TNPO1: variants seen among roughly 807,000 people sequenced by gnomAD.
TNPO1 encodes transportin-1.
TNPO1 carries 8 observed loss-of-function variants against 119.5 expected under a neutral mutation model. The ratio of observed to expected loss-of-function variants is 0.07; its 90% CI spans 0.04 to 0.12. The LOEUF is 0.12. TNPO1 is among the 10% of genes least tolerant of loss of function. The pLI, the probability that TNPO1 is intolerant of heterozygous loss-of-function variation, is 1.00. For missense variants in TNPO1, 576 were observed against 1,089.8 expected, an observed-to-expected ratio of 0.53 and a Z score of 6.64; for synonymous variants, 362 against 363.0, an observed-to-expected ratio of 1.00 and a Z score of 0.03.
chr5:72,892,378 G>A (rs143190426), intron 15 of TNPO1, among the ~76,000 whole-genome samples: 2 of 151,876 alleles, frequency 1.3e-5, no homozygotes, highest in Non-Finnish European at 2.9e-5. Context: ...TAGTTGAATT[G>A]ACATTGATAG....
At chr5:72,857,483 G>A (rs1746094684) in intron 4 of TNPO1, among the ~76,000 whole-genome samples, 1 of 152,158 alleles carries the variant, frequency 6.6e-6, no homozygotes, top group Non-Finnish European at 1.5e-5. Context: ...TGTGGTTTGA[G>A]AAAAAGAACT....
rs71614493 is a variant in TNPO1, at chr5:72,862,992, T to TTGTGTGTGTGTG, written c.462+1101_462+1112dup. On this transcript the variant is annotated intron_variant, in intron 5 of 24. Coordinates refer to ENST00000337273, the MANE Select transcript of TNPO1 (RefSeq NM_002270.4). ...TACATTAACTCTGACCTGTGGGTTT[T>TTGTGTGTGTGTG]TGTGTGTGTGTGTGTGTGTGTGTGT... 8.2e-3 allele frequency among the ~76,000 whole-genome samples: 1,187 copies of TTGTGTGTGTGTG among 144,842 alleles called. 13 individuals carry two copies. Among genetic ancestry groups the TTGTGTGTGTGTG allele is most frequent in the African/African-American group, 0.025 (963 of 39,092 alleles).
At chr5:72,817,881 G>A (rs928478935) in intron 1 of TNPO1, among the ~76,000 whole-genome samples, 2 of 152,212 alleles carry the variant, frequency 1.3e-5, no homozygotes, top group African/African-American at 4.8e-5. Flanking sequence ...GAGTGGTGAA[G>A]AAGCTATGTT....
chr5:72,825,443 TTTGGGAGGCTGAGGTGGGC>T (rs1326333430), intron 1 of TNPO1, among the ~76,000 whole-genome samples: 2 of 152,226 alleles, frequency 1.3e-5, no homozygotes, highest in South Asian at 2.1e-4. Flanking sequence ...ATCCCAGCAC[TTTGGGAGGCTGAGGTGGGC>T]GGATCATGAG....
intron 1 of TNPO1, among the ~76,000 whole-genome samples, chr5:72,847,914 C>G (rs1452429842): frequency 6.6e-6 from 1 of 152,220 alleles, no homozygotes; most frequent in Non-Finnish European, 1.5e-5. Flanking sequence ...CGTTAATTCA[C>G]CATGTGTATG....
intron 1 of TNPO1, among the ~76,000 whole-genome samples, chr5:72,842,594 C>T (rs1162519210): frequency 6.6e-6 from 1 of 152,162 alleles, no homozygotes; most frequent in Non-Finnish European, 1.5e-5. Flanking sequence ...AACAGGACTG[C>T]CCTTCCCCTA....
chr5:72,891,021 C>A (rs1323525196), intron 14 of TNPO1, among the ~76,000 whole-genome samples: 1 of 152,112 alleles, frequency 6.6e-6, no homozygotes, highest in African/African-American at 2.4e-5. Context: ...TCCTGGCCAA[C>A]TTTTTGTAGA....
At chr5:72,860,981 C>T (rs919103112) in intron 4 of TNPO1, among the ~76,000 whole-genome samples, 9 of 151,180 alleles carry the variant, frequency 6.0e-5, no homozygotes, top group Middle Eastern at 3.4e-3. Flanking sequence ...GGCGTGATCT[C>T]GGCTCACTGC....
chr5:72,880,573 G>A (rs996215187), intron 9 of TNPO1, among the ~76,000 whole-genome samples: 1 of 152,092 alleles, frequency 6.6e-6, no homozygotes, highest in African/African-American at 2.4e-5. Flanking sequence ...CCAGCACTTT[G>A]GGAGTCCAAG....
intron 9 of TNPO1, among the ~76,000 whole-genome samples, chr5:72,880,350 C>T (rs1167910564): frequency 6.6e-5 from 10 of 152,048 alleles, no homozygotes; most frequent in Non-Finnish European, 1.0e-4. Context: ...TGATTTCTCT[C>T]GTTTTTACAA....
chr5:72,893,244 A>G lies in TNPO1; in HGVS notation c.1894A>G (p.Met632Val), dbSNP rs1749193352. The G allele has an allele frequency of 1.2e-6, 2 of 1,612,196 alleles. No individual in the cohort carries two copies. The highest frequency in any genetic ancestry group is 1.3e-5 in the African/African-American group (1 of 74,880). Reference sequence around the variant, plus strand: ...AGTACAGAAGACTCTTGCACAAGCCATGGTAATTTTTTTAAAATGTCTTCC... The same window carrying G: ...AGTACAGAAGACTCTTGCACAAGCCGTGGTAATTTTTTTAAAATGTCTTCC... ...NLVQKTLAQAMLNNAQPDQYE... is the reference protein window; with the variant it reads ...NLVQKTLAQAVLNNAQPDQYE... The change falls in exon 16 of 25, where the codon ATG becomes GTG. Residue 632 changes from methionine to valine, a missense_variant and splice_region_variant. Transcript: ENST00000337273.
chr5:72,841,859 G>C (rs1287072688), intron 1 of TNPO1, among the ~76,000 whole-genome samples: 4 of 147,708 alleles, frequency 2.7e-5, no homozygotes, highest in African/African-American at 1.0e-4. Flanking sequence ...TTTTCTCCTT[G>C]CTCATCATAG....
chr5:72,861,936 A>C (rs758143802), intron 5 of TNPO1, 22 bp downstream of exon 5: 2 of 1,560,440 alleles, frequency 1.3e-6, no homozygotes, highest in Non-Finnish European at 8.8e-7. Context: ...TGTTTCATAC[A>C]TAATTGGGTG....
chr5:72,871,031 G>A (rs948332905), intron 6 of TNPO1, among the ~76,000 whole-genome samples: 27 of 152,006 alleles, frequency 1.8e-4, no homozygotes, highest in Admixed American at 1.3e-4. Flanking sequence ...GTACAGTGGC[G>A]CGATCTCGGC....
intron 1 of TNPO1, among the ~76,000 whole-genome samples, chr5:72,820,238 C>A (rs542979573): frequency 1.2e-4 from 19 of 152,228 alleles, no homozygotes; most frequent in Non-Finnish European, 2.2e-4. Context: ...ATAAGAAACA[C>A]TGCAATGAAC....
At chr5:72,850,637 C>T (rs949996477) in intron 2 of TNPO1, among the ~76,000 whole-genome samples, 14 of 152,216 alleles carry the variant, frequency 9.2e-5, no homozygotes, top group South Asian at 2.1e-4. Context: ...GAAATACCTG[C>T]AAATTGGTAT....
At chr5:72,818,133 G>A (rs1433065911) in intron 1 of TNPO1, among the ~76,000 whole-genome samples, 2 of 152,230 alleles carry the variant, frequency 1.3e-5, no homozygotes, top group Non-Finnish European at 2.9e-5. Flanking sequence ...GCCTAATGAA[G>A]TACTAGTGTT....
chr5:72,854,882 G>A (rs1271740956), intron 3 of TNPO1, among the ~76,000 whole-genome samples: 2 of 148,366 alleles, frequency 1.3e-5, no homozygotes, highest in Non-Finnish European at 3.1e-5. Context: ...TGAAAAACAT[G>A]ATATAAATTA....
intron 1 of TNPO1, among the ~76,000 whole-genome samples, chr5:72,824,822 C>G (rs913030614): frequency 1.3e-5 from 2 of 152,132 alleles, no homozygotes; most frequent in African/African-American, 4.8e-5. Context: ...TCCAGTCTTA[C>G]ATGTGCAACT....
Sources: gnomAD v4.1 joint callset for allele counts (sites outside exome capture counted in the v4.1 genomes callset) on GRCh38, gnomAD v4.1.1 for gene constraint, MANE v1.5 for transcripts, NCBI Gene and HGNC (gene_info 2026-07-23, HGNC 2026-07-21) for gene names.